Variants in ANKFN1 observed in about 807,000 individuals in gnomAD.
ANKFN1 encodes ankyrin repeat and fibronectin type-III domain-containing protein 1.
Under a neutral mutation model 108.7 loss-of-function variants are expected in ANKFN1, and 74 were observed. That is an observed-to-expected ratio of 0.68 (90% CI 0.56 to 0.83). The LOEUF is 0.83. Ranked by LOEUF, ANKFN1 falls within the 40% of genes least tolerant of loss-of-function variation. The pLI is 0.00. For missense variants in ANKFN1, 1,505 were observed against 1,382.3 expected, an observed-to-expected ratio of 1.09 and a Z score of -1.41; for synonymous variants, 547 against 516.2, an observed-to-expected ratio of 1.06 and a Z score of -0.81.
At chr17:56,152,434 T>C (rs571512146), upstream of ANKFN1, among the ~76,000 whole-genome samples, 4 of 152,044 alleles carry the variant, frequency 2.6e-5, no homozygotes, top group African/African-American at 9.7e-5. Context: ...TATTGTATAG[T>C]AGCAGCAACA....
intron 8 of ANKFN1, among the ~76,000 whole-genome samples, chr17:56,439,214 T>A (rs1296801573): frequency 6.6e-6 from 1 of 152,160 alleles, no homozygotes; most frequent in Non-Finnish European, 1.5e-5. Flanking sequence ...CGCAGCAGGC[T>A]TTGGAGATGG....
Position 56,510,847 on chromosome 17 carries a change from C to A in ANKFN1, c.3019C>A (p.His1007Asn). 3 of 1,536,164 alleles carry A rather than the reference C, an allele frequency of 2.0e-6. No individual in the cohort carries two copies. Among genetic ancestry groups the A allele is most frequent in the South Asian group, 1.2e-5 (1 of 84,070 alleles). Residue 1007 changes from histidine to asparagine, a missense_variant, in exon 21 of 21, where the codon CAC becomes AAC. Physicochemically the swap from His to Asn is moderately conservative, Grantham distance 68 (BLOSUM62 1). Transcript: ENST00000682825. ...AAAGCGGAAGCCAGGCAAGCACCCC[C>A]ACTATGGCGGCTTCAGCCGCCATCA... Reference protein sequence around the residue: ...LGKRKPGKHPHYGGFSRHHRW... With the variant: ...LGKRKPGKHPNYGGFSRHHRW...
rs1487785521 is a variant in ANKFN1 at position 56,510,932 on chromosome 17, C to G, written c.3104C>G (p.Thr1035Arg). Residue 1035 changes from threonine to arginine, a missense_variant, in exon 21 of 21, where the codon ACA (threonine) becomes AGA (arginine). Coordinates refer to ENST00000682825, the MANE Select transcript of ANKFN1 (RefSeq NM_001370326.1). ...QSLSLSEGIYTQHLSQACGLA... is the reference protein window; with the variant it reads ...QSLSLSEGIYRQHLSQACGLA... The stretch of plus-strand genomic sequence containing the variant: ...CTATCGCTCTCTGAGGGCATTTATA[C>G]ACAGCACCTGTCCCAGGCCTGTGGT... 9.1e-6 allele frequency: 14 copies of G among 1,536,042 alleles called. No homozygotes were observed. The Admixed American group carries it at 2.4e-4, about 26-fold the overall frequency.
chr17:56,354,357 T>C (rs932891223), intron 6 of ANKFN1, among the ~76,000 whole-genome samples: 1 of 152,202 alleles, frequency 6.6e-6, no homozygotes, highest in Non-Finnish European at 1.5e-5. Flanking sequence ...GAGATATATA[T>C]AGAAGAATGA....
At chr17:56,272,051 A>G (rs987641767) in intron 3 of ANKFN1, among the ~76,000 whole-genome samples, 26 of 152,366 alleles carry the variant, frequency 1.7e-4, no homozygotes, top group Non-Finnish European at 2.6e-4. Context: ...TGGTTTTGTT[A>G]CAATATTAGG....
At chr17:56,189,836 C>T (rs1277903124) in intron 1 of ANKFN1, among the ~76,000 whole-genome samples, 1 of 152,080 alleles carries the variant, frequency 6.6e-6, no homozygotes, top group South Asian at 2.1e-4. Context: ...TTCATAAATA[C>T]AATTCTAAGG....
At chr17:56,308,990 T>G (rs2044929248) in intron 3 of ANKFN1, among the ~76,000 whole-genome samples, 1 of 152,236 alleles carries the variant, frequency 6.6e-6, no homozygotes, top group East Asian at 1.9e-4. Flanking sequence ...TAATGATTTT[T>G]TGCATCTACA....
At chr17:56,204,968 C>T (rs982099985) in intron 1 of ANKFN1, among the ~76,000 whole-genome samples, 3 of 152,016 alleles carry the variant, frequency 2.0e-5, no homozygotes, top group Non-Finnish European at 2.9e-5. Flanking sequence ...CCCAGCTACT[C>T]GGGAGGCTGA....
At chr17:56,250,961 GATTGGTA>G (rs2043219637) in intron 3 of ANKFN1, among the ~76,000 whole-genome samples, 1 of 151,690 alleles carries the variant, frequency 6.6e-6, no homozygotes, top group Non-Finnish European at 1.5e-5. Flanking sequence ...GCAAAATAAA[GATTGGTA>G]ATTTTTTTTT....
At chr17:56,213,786 A>T (rs1915216778) in intron 2 of ANKFN1, among the ~76,000 whole-genome samples, 1 of 152,230 alleles carries the variant, frequency 6.6e-6, no homozygotes, top group Non-Finnish European at 1.5e-5. Context: ...TTCTTAAAGC[A>T]ATAAGCACAT....
chr17:56,374,055 A>G (rs1257614070), intron 7 of ANKFN1, among the ~76,000 whole-genome samples: 2 of 152,180 alleles, frequency 1.3e-5, no homozygotes, highest in East Asian at 1.9e-4. Flanking sequence ...TTAGAATTCT[A>G]TCAATACTGG....
intron 3 of ANKFN1, among the ~76,000 whole-genome samples, chr17:56,289,304 T>A (rs1194074116): frequency 6.6e-6 from 1 of 152,140 alleles, no homozygotes; most frequent in African/African-American, 2.4e-5. Flanking sequence ...GAAAGAGCTA[T>A]TTTGCTGGTG....
chr17:56,164,705 T>G (rs1442202090), intron 1 of ANKFN1, among the ~76,000 whole-genome samples: 2 of 152,238 alleles, frequency 1.3e-5, no homozygotes, highest in African/African-American at 4.8e-5. Context: ...GTCTGTGACC[T>G]GTAGATTATT....
chr17:56,324,905 CCAGAACAGA>C (rs2045472839), intron 3 of ANKFN1, among the ~76,000 whole-genome samples: 1 of 152,184 alleles, frequency 6.6e-6, no homozygotes, highest in South Asian at 2.1e-4. Context: ...GATCGGAACT[CCAGAACAGA>C]CACCTGTTGG....
chr17:56,220,804 GAGGGAGGA>G (rs1327040430), intron 2 of ANKFN1, among the ~76,000 whole-genome samples: 46 of 75,620 alleles, frequency 6.1e-4, no homozygotes, highest in African/African-American at 3.2e-3. Context: ...GGAAGGGAGG[GAGGGAGGA>G]AGGAAGGAAG....
At chr17:56,166,655 A>G (rs1910154136) in intron 1 of ANKFN1, among the ~76,000 whole-genome samples, 1 of 152,184 alleles carries the variant, frequency 6.6e-6, no homozygotes, top group South Asian at 2.1e-4. Flanking sequence ...AAATGCTTTC[A>G]GTCACAGTTT....
At chr17:56,213,506 T>C (rs766776525) in intron 2 of ANKFN1, among the ~76,000 whole-genome samples, 2 of 152,074 alleles carry the variant, frequency 1.3e-5, no homozygotes, top group Non-Finnish European at 2.9e-5. Context: ...TGTGGGAGTG[T>C]GGAAGCCTCC....
At chr17:56,317,515 A>AT (rs1192428170) in intron 3 of ANKFN1, among the ~76,000 whole-genome samples, 2 of 152,268 alleles carry the variant, frequency 1.3e-5, no homozygotes, top group South Asian at 4.1e-4. Flanking sequence ...TGTCATGGTC[A>AT]TTTTTTTAAA....
Position 56,429,921 on chromosome 17 carries a change from A to G in ANKFN1, c.911-10406A>G, listed in dbSNP as rs555087370. Among the ~76,000 whole-genome samples the G allele has an allele frequency of 2.0e-4, 31 of 152,332 alleles. 1 individual carries two copies. In the South Asian group the frequency reaches 6.4e-3, roughly 32 times the overall value. The stretch of plus-strand genomic sequence containing the variant: ...TAGAGTTGAAAATGCATGCACGTAA[A>G]TCATTATAATATGAAGTAGAGTATA... On this transcript the variant is annotated intron_variant, in intron 8 of 20. Transcript: ENST00000682825.
Sources: gnomAD v4.1 joint callset for allele counts (sites outside exome capture counted in the v4.1 genomes callset) on GRCh38, gnomAD v4.1.1 for gene constraint, MANE v1.5 for transcripts, NCBI Gene and HGNC (gene_info 2026-07-23, HGNC 2026-07-21) for gene names.